Variants in ZNF584 observed in about 807,000 individuals in gnomAD.
The protein encoded by ZNF584 is zinc finger protein 584.
ZNF584 carries 12 observed loss-of-function variants against 14.7 expected under a neutral mutation model. The observed-to-expected ratio is 0.82, with a 90% CI of 0.52 to 1.32. The LOEUF (loss-of-function observed/expected upper bound fraction) is 1.32, where lower values mean the gene tolerates loss of function less well. ZNF584 is among the 40% of genes most tolerant of loss of function. ZNF584 has a pLI of 0.00. For synonymous variants in ZNF584, 204 were observed against 190.9 expected, an observed-to-expected ratio of 1.07 and a Z score of -0.57; for missense variants, 478 against 518.8, an observed-to-expected ratio of 0.92 and a Z score of 0.76.
In ZNF584 at chr19:58,401,867, A is replaced by G. The variant is rs192268186; in HGVS notation, n.92+205A>G. 1.5e-4 allele frequency among the ~76,000 whole-genome samples: 19 copies of G among 130,022 alleles called. No homozygotes were observed. In the East Asian group the frequency reaches 4.7e-3, roughly 33 times the overall value. 85.3% of individuals were successfully genotyped at this position (130,022 alleles called of 152,430 possible). On this transcript the variant is annotated intron_variant and non_coding_transcript_variant, in intron 1 of 3. Coordinates refer to the ZNF584 transcript ENST00000594993. ...ACACATAGTATAACGTGAGGATCCT[A>G]TATAAAGTGAGACTCCTCAAAAAAA...
At position 58,417,199 on chromosome 19, in the gene ZNF584, T is replaced by A. The variant is rs1226096193; in HGVS notation, c.681T>A (p.Ser227=). The A allele has an allele frequency of 1.2e-6, 2 of 1,614,004 alleles. No homozygotes were observed. Among genetic ancestry groups the A allele is most frequent in the Admixed American group, 1.7e-5 (1 of 59,994 alleles). The change falls in exon 4 of 4, where the codon TCT becomes TCA. Residue 227 remains serine, a synonymous_variant. Transcript: ENST00000306910. ...GTGGGAAGGCCTTCAGTTACCCGTC[T>A]AAGCTGAGGAAACACCAGAAGGTTC... ...NECGKAFSYP[S]KLRKHQKVHT...
Position 58,415,555 on chromosome 19 carries a change from C to G in ZNF584, c.201C>G (p.Thr67=). The part of the protein sequence containing the change: ...GLAPSRSPVF[T]QLEDDEQSWV... ...CACCTTCGAGATCCCCTGTGTTTAC[C>G]CAGCTGGAGGATGATGAACAGTCGT... Residue 67 remains threonine, a synonymous_variant, in exon 3 of 4, where the codon ACC becomes ACG. Coordinates refer to ENST00000306910, the MANE Select transcript of ZNF584 (RefSeq NM_173548.3). The G allele has an allele frequency of 2.5e-6, 4 of 1,613,722 alleles. No individual in the cohort carries two copies. The highest frequency in any genetic ancestry group is 3.4e-6 in the Non-Finnish European group (4 of 1,179,730).
At chr19:58,401,906 ATTT>A (rs1356143199) in intron 1 of ZNF584, among the ~76,000 whole-genome samples, 1 of 118,518 alleles carries the variant, frequency 8.4e-6, no homozygotes, top group Admixed American at 8.2e-5. Context: ...AAAAAAAAAG[ATTT>A]TTTTTTTTTT....
At position 58,409,966 on chromosome 19, in the gene ZNF584, G is replaced by A. The variant is rs1599946828; in HGVS notation, c.44G>A (p.Gly15Asp). The change falls in exon 2 of 4, where the codon GGC becomes GAC. Residue 15 changes from glycine to aspartate, a missense_variant. Transcript: ENST00000306910. ...GCTCAGTTGGACCCATCATTGCAGG[G>A]CTTGGTGATGTTTGAGGATGTGACG... ...AEAQLDPSLQ[G>D]LVMFEDVTVY... 1 of 1,614,116 alleles carries A rather than the reference G, an allele frequency of 6.2e-7. No individual in the cohort carries two copies.
chr19:58,410,207 T>G, intron 2 of ZNF584, 116 bp downstream of exon 2: 1 of 1,344,302 alleles, frequency 7.4e-7, no homozygotes, highest in Non-Finnish European at 9.9e-7. Context: ...GATTCCCTGT[T>G]GTAGGTATTG....
At chr19:58,415,685 G>A in intron 3 of ZNF584, 39 bp downstream of exon 3, 1 of 1,608,226 alleles carries the variant, frequency 6.2e-7, no homozygotes, top group Non-Finnish European at 8.5e-7. Context: ...TTTCAGCAGT[G>A]GGCTCACAGA....
At chr19:58,416,602 G>C (rs1017391993) in intron 3 of ZNF584, 2 of 442,552 alleles carry the variant, frequency 4.5e-6, no homozygotes, top group Non-Finnish European at 7.8e-6. Context: ...GGGTTTCGTC[G>C]TGTTGGTCAG....
chr19:58,405,236 C>T (rs563463005), upstream of ZNF584: 188 of 146,282 alleles, frequency 1.3e-3, 1 homozygote, highest in Non-Finnish European at 2.0e-3. Context: ...CCCCACCTCC[C>T]TTCCGGACAG....
At chr19:58,403,352 C>T (rs12608956) in intron 1 of ZNF584, among the ~76,000 whole-genome samples, 37,535 of 152,102 alleles carry the variant, frequency 0.25, 5,521 homozygotes, top group Middle Eastern at 0.43. Context: ...ATTAACTGTG[C>T]TACCAAGTTA....
At chr19:58,403,084 A>T (rs1388511374) in intron 1 of ZNF584, among the ~76,000 whole-genome samples, 1 of 152,214 alleles carries the variant, frequency 6.6e-6, no homozygotes, top group African/African-American at 2.4e-5. Flanking sequence ...GAAAGGCAAA[A>T]TGGTATAGCC....
chr19:58,403,279 C>T (rs1054059105), intron 1 of ZNF584, among the ~76,000 whole-genome samples: 1 of 152,188 alleles, frequency 6.6e-6, no homozygotes, highest in Non-Finnish European at 1.5e-5. Flanking sequence ...CCCAGATGTC[C>T]TTCAATAGAT....
chr19:58,402,758 A>C (rs1599940635), intron 1 of ZNF584, among the ~76,000 whole-genome samples: 1 of 128,312 alleles, frequency 7.8e-6, no homozygotes. Flanking sequence ...CGGGAGGCGG[A>C]GGTTGCGGCG....
chr19:58,418,099 G>C lies in ZNF584; in HGVS notation c.*315G>C, dbSNP rs2052670241. On this transcript the variant is annotated 3_prime_UTR_variant, in exon 4 of 4. Transcript: ENST00000306910. The stretch of plus-strand genomic sequence containing the variant: ...ACAGTAGAGAATCGTTAATAGTGGA[G>C]CCCAAAACAGGCCTCATTCCCTACC... 3.2e-6 allele frequency: 1 copy of C among 308,484 alleles called. No individual in the cohort carries two copies. Among genetic ancestry groups the C allele is most frequent in the African/African-American group, 2.1e-5 (1 of 47,438 alleles). 19.1% of individuals were successfully genotyped at this position (308,484 alleles called of 1,614,324 possible).
chr19:58,411,250 G>A (rs1399849841), intron 2 of ZNF584, among the ~76,000 whole-genome samples: 1 of 151,938 alleles, frequency 6.6e-6, no homozygotes, highest in East Asian at 2.0e-4. Flanking sequence ...GTCATGGCCA[G>A]GTGCAGTGGC....
At chr19:58,411,544 G>GA (rs2052572619) in intron 2 of ZNF584, among the ~76,000 whole-genome samples, 2 of 150,094 alleles carry the variant, frequency 1.3e-5, no homozygotes, top group African/African-American at 2.5e-5. Context: ...AAAAAGAAAA[G>GA]AAAGGTCACT....
intron 2 of ZNF584, 96 bp downstream of exon 2, chr19:58,410,187 T>C: frequency 1.0e-5 from 15 of 1,433,954 alleles, no homozygotes; most frequent in Non-Finnish European, 1.4e-5. Flanking sequence ...TGGGGGCTCT[T>C]TCCTTCCCAG....
upstream of ZNF584, chr19:58,406,557 G>A (rs1345613097): frequency 1.3e-5 from 2 of 152,290 alleles, no homozygotes; most frequent in African/African-American, 4.8e-5. Context: ...CAAGGCTAGT[G>A]ACCTTGGTAC....
rs1208031417 is a variant in ZNF584, at chr19:58,417,831, A to T, written c.*47A>T. 1 of 1,547,086 alleles carries T rather than the reference A, an allele frequency of 6.5e-7. No individual in the cohort carries two copies. Among genetic ancestry groups the T allele is most frequent in the African/African-American group, 1.4e-5 (1 of 72,862 alleles). On this transcript the variant is annotated 3_prime_UTR_variant, in exon 4 of 4. Coordinates refer to ENST00000306910, the MANE Select transcript of ZNF584 (RefSeq NM_173548.3). ...TCTTATTCCAGAAAGGAGGTTAAGG[A>T]GAGTGGCCGTGAGAGTGCCATCCGA...
chr19:58,412,173 G>A (rs2052582816), intron 2 of ZNF584, among the ~76,000 whole-genome samples: 1 of 144,890 alleles, frequency 6.9e-6, no homozygotes, highest in Non-Finnish European at 1.5e-5. Context: ...TAGAGACAGG[G>A]GTTTCACCAT....
Sources: gnomAD v4.1 joint callset for allele counts (sites outside exome capture counted in the v4.1 genomes callset) on GRCh38, gnomAD v4.1.1 for gene constraint, MANE v1.5 for transcripts, NCBI Gene and HGNC (gene_info 2026-07-23, HGNC 2026-07-21) for gene names.